ANTXRL: variants seen among roughly 807,000 people sequenced by gnomAD.
ANTXRL encodes the protein anthrax toxin receptor-like.
In ANTXRL, 63 loss-of-function variants were observed where a neutral mutation model predicts 75.4. The observed-to-expected ratio is 0.84, with a 90% CI of 0.68 to 1.03. The LOEUF is 1.03. Among genes scored for constraint, ANTXRL ranks in the 50% least tolerant of loss-of-function variants. ANTXRL has a pLI of 0.00. For synonymous variants in ANTXRL, 335 were observed against 291.3 expected (o/e 1.15, Z -1.53); for missense variants, 797 against 789.4 (o/e 1.01, Z -0.12).
chr10:46,323,595 A>G (rs1356179850), intron 16 of ANTXRL, among the ~76,000 whole-genome samples: 2 of 152,196 alleles, frequency 1.3e-5, no homozygotes, highest in Non-Finnish European at 2.9e-5. Flanking sequence ...TGAAGCTTCC[A>G]ACTTGGCTGC....
In ANTXRL at chr10:46,329,768, G is replaced by A. The variant is rs782006614; in HGVS notation, c.1580G>A (p.Arg527His). ...GAGTGCCTCGCCCTCAAACAGGCTC[G>A]CTGCAGCCCAAACATCTGCCTGAGA... ...SRECLALKQARCSPNICLRHS... is the reference protein window; with the variant it reads ...SRECLALKQAHCSPNICLRHS... The change falls in exon 17 of 17, where the codon CGC becomes CAC. Residue 527 changes from arginine to histidine, a missense_variant. Physicochemically the swap from Arg to His is conservative, Grantham distance 29. Around this residue, in one of 3 missense-constraint regions of ANTXRL, gnomAD observed 479 missense variants for 422.0 expected, o/e 1.14. Transcript: ENST00000620264. 344 of 1,530,724 alleles carry A rather than the reference G, an allele frequency of 2.2e-4. 2 individuals are homozygous for A. In the African/African-American group the frequency reaches 3.7e-3, roughly 17 times the overall value. The allele number at this position is 1,530,724 out of a possible 1,614,324, so 94.8% of individuals were successfully genotyped here. A position where few individuals can be genotyped will look rare whatever the true frequency, so the allele number is the denominator to read the frequency against.
chr10:46,307,888 C>G (rs1838188119), intron 12 of ANTXRL, among the ~76,000 whole-genome samples: 1 of 152,132 alleles, frequency 6.6e-6, no homozygotes, highest in South Asian at 2.1e-4. Flanking sequence ...CCTCCTTGCT[C>G]AGGCCCCTGA....
In ANTXRL at chr10:46,311,552, C is replaced by G. The variant is rs1554963480; in HGVS notation, c.1216C>G (p.Pro406Ala). Reference sequence around the variant, plus strand: ...ACCACCATCACCACCACCACCGCCTCCGCCTCCACCACCTCCACTCCCGCC... The same window carrying G: ...ACCACCATCACCACCACCACCGCCTGCGCCTCCACCACCTCCACTCCCGCC... ...EKPPSPPPPP[P>A]PPPPPLPPPP... Residue 406 changes from proline to alanine, a missense_variant, in exon 15 of 17, where the codon CCG becomes GCG. This residue lies in a region of ANTXRL where 479 missense variants were observed against 422.0 expected (regional missense o/e 1.14). Coordinates refer to ENST00000620264, the MANE Select transcript of ANTXRL (RefSeq NM_001278688.3). 6.5e-7 allele frequency: 1 copy of G among 1,533,936 alleles called. No individual in the cohort carries two copies. Among genetic ancestry groups the G allele is most frequent in the East Asian group, 2.4e-5 (1 of 40,818 alleles).
chr10:46,296,586 G>T (rs1238094115), intron 5 of ANTXRL, among the ~76,000 whole-genome samples: 1 of 152,124 alleles, frequency 6.6e-6, no homozygotes. Context: ...CTCCTCCCTT[G>T]CATGTCTTCC....
Position 46,297,441 on chromosome 10 carries a change from C to T in ANTXRL, c.621C>T (p.Tyr207=), listed in dbSNP as rs1554959138. The change falls in exon 7 of 17, where the codon TAC becomes TAT. Residue 207 remains tyrosine (Y), a synonymous_variant. Coordinates refer to ENST00000620264, the MANE Select transcript of ANTXRL (RefSeq NM_001278688.3). Reference sequence around the variant, plus strand: ...CTCGGAAACTGGGGGCCAACGTTTACACCCTGGGTGTGGCTGATTATAATC... The same window carrying T: ...CTCGGAAACTGGGGGCCAACGTTTATACCCTGGGTGTGGCTGATTATAATC... The part of the protein sequence containing the change: ...QKARKLGANV[Y]TLGVADYNLD... 4 of 1,535,770 alleles carry T rather than the reference C, an allele frequency of 2.6e-6. No homozygotes were observed. The highest frequency in any genetic ancestry group is 1.7e-4 in the Middle Eastern group (1 of 6,002).
Position 46,293,855 on chromosome 10 carries a change from C to T in ANTXRL, c.347C>T (p.Thr116Ile). Reference protein sequence around the residue: ...QSPNIRMCFITYSTDGQTVLP... With the variant: ...QSPNIRMCFIIYSTDGQTVLP... Reference sequence around the variant, plus strand: ...CCAAATATTCGGATGTGCTTCATCACCTACTCCACAGACGGCCAGACTGTC... The same window carrying T: ...CCAAATATTCGGATGTGCTTCATCATCTACTCCACAGACGGCCAGACTGTC... The change falls in exon 3 of 17, where the codon ACC becomes ATC. Residue 116 changes from threonine (T) to isoleucine (I), a missense_variant. Transcript: ENST00000620264. 2 of 1,535,730 alleles carry T rather than the reference C, an allele frequency of 1.3e-6. No homozygotes were observed. The highest frequency in any genetic ancestry group is 1.7e-6 in the Non-Finnish European group (2 of 1,146,662).
chr10:46,327,346 G>A (rs1407699486), intron 16 of ANTXRL, among the ~76,000 whole-genome samples: 10 of 152,074 alleles, frequency 6.6e-5, no homozygotes, highest in East Asian at 3.9e-4. Flanking sequence ...GTCCTGGGAG[G>A]ACTAGATTTG....
chr10:46,306,789 T>C lies in ANTXRL; in HGVS notation c.896-14T>C. The C allele has an allele frequency of 6.6e-7, 1 of 1,521,022 alleles. No homozygotes were observed. Among genetic ancestry groups the C allele is most frequent in the Non-Finnish European group, 8.8e-7 (1 of 1,139,388 alleles). 94.2% of individuals were successfully genotyped at this position (1,521,022 alleles called of 1,614,324 possible). ...CAGGTGCACTGACATTCTTCTCATG[T>C]CATTTTCTTTTAGATGAAAAGCCAA... On this transcript the variant is annotated splice_polypyrimidine_tract_variant and intron_variant, in intron 10 of 16. Coordinates refer to ENST00000620264, the MANE Select transcript of ANTXRL (RefSeq NM_001278688.3).
At chr10:46,319,576 T>G (rs1168420747) in intron 16 of ANTXRL, among the ~76,000 whole-genome samples, 1 of 152,158 alleles carries the variant, frequency 6.6e-6, no homozygotes, top group Non-Finnish European at 1.5e-5. Context: ...GTGTTTAAGT[T>G]GATTAGTCAT....
chr10:46,297,581 G>C, intron 7 of ANTXRL, 107 bp downstream of exon 7: 2 of 1,161,364 alleles, frequency 1.7e-6, no homozygotes, highest in Non-Finnish European at 2.4e-6. Flanking sequence ...CCCCAAGTGA[G>C]TTGGGCCAAC....
intron 10 of ANTXRL, among the ~76,000 whole-genome samples, chr10:46,304,008 A>G (rs1837915138): frequency 1.3e-5 from 2 of 151,978 alleles, no homozygotes; most frequent in Non-Finnish European, 2.9e-5. Context: ...CCTCCTTTCC[A>G]TGAGTACATA....
intron 9 of ANTXRL, among the ~76,000 whole-genome samples, chr10:46,299,446 C>T (rs1468218865): frequency 6.6e-6 from 1 of 152,138 alleles, no homozygotes; most frequent in Admixed American, 6.5e-5. Context: ...TCTGTCTGTC[C>T]TGAGCTCTTT....
intron 16 of ANTXRL, 120 bp downstream of exon 16, chr10:46,313,436 C>T (rs1554964049): frequency 1.9e-6 from 2 of 1,038,026 alleles, no homozygotes; most frequent in Non-Finnish European, 2.9e-6. Flanking sequence ...GAGGACGGCA[C>T]AAGACACACA....
In ANTXRL at chr10:46,288,362, C is replaced by T. The variant is rs189674212; in HGVS notation, c.248+852C>T. Among the ~76,000 whole-genome samples, 36 of 152,222 alleles carry T rather than the reference C, an allele frequency of 2.4e-4. No individual in the cohort carries two copies. The Middle Eastern group carries it at 0.01, about 43-fold the overall frequency. ...CTATCTGGTTCCTGGACAAGGGTGGCTCCTGGAGGTTGGGGAAGCATCCAG... is the reference window on the plus strand; with the variant it reads ...CTATCTGGTTCCTGGACAAGGGTGGTTCCTGGAGGTTGGGGAAGCATCCAG... On this transcript the variant is annotated intron_variant, in intron 1 of 16. Coordinates refer to ENST00000620264, the MANE Select transcript of ANTXRL (RefSeq NM_001278688.3).
At position 46,296,270 on chromosome 10, in the gene ANTXRL, C is replaced by T; in HGVS notation, c.508+18C>T. The T allele has an allele frequency of 6.5e-7, 1 of 1,535,456 alleles. No individual in the cohort carries two copies. Among genetic ancestry groups the T allele is most frequent in the Non-Finnish European group, 8.7e-7 (1 of 1,146,418 alleles). On this transcript the variant is annotated intron_variant, in intron 5 of 16. Coordinates refer to ENST00000620264, the MANE Select transcript of ANTXRL (RefSeq NM_001278688.3). ...CTCCGGAAGTAAGCACCTGCCGTCC[C>T]CCTGGTGGTCCTGTAGGGGGAACAG...
intron 5 of ANTXRL, 86 bp from the exon 6 acceptor site, chr10:46,297,166 G>C (rs868933377): frequency 8.8e-7 from 1 of 1,134,800 alleles, no homozygotes; most frequent in Non-Finnish European, 1.3e-6. Context: ...AGCGCTGTGG[G>C]CCCAGCCATC....
chr10:46,287,113 A>T lies in ANTXRL; in HGVS notation c.-150A>T, dbSNP rs1836795595. ...TGCGATCTGGGGAGGTACCTGGTGG[A>T]GGGCCATAGTGTGCACTGGTGAAAG... On this transcript the variant is annotated 5_prime_UTR_variant, in exon 1 of 17. Transcript: ENST00000620264. 1 of 1,004,954 alleles carries T rather than the reference A, an allele frequency of 1.0e-6. No homozygotes were observed. Among genetic ancestry groups the T allele is most frequent in the African/African-American group, 1.6e-5 (1 of 61,210 alleles). The allele number at this position is 1,004,954 out of a possible 1,614,324, so 62.3% of individuals were successfully genotyped here.
intron 9 of ANTXRL, among the ~76,000 whole-genome samples, chr10:46,300,024 A>T (rs1837622782): frequency 6.6e-6 from 1 of 152,160 alleles, no homozygotes; most frequent in African/African-American, 2.4e-5. Flanking sequence ...TGCTCCTCTG[A>T]TGATGTCCCC....
At chr10:46,305,390 A>G (rs1183154561) in intron 10 of ANTXRL, among the ~76,000 whole-genome samples, 2 of 152,254 alleles carry the variant, frequency 1.3e-5, no homozygotes, top group Admixed American at 1.3e-4. Context: ...TGGAAAATAC[A>G]TGCCAGAGTA....
Sources: gnomAD v4.1 joint callset for allele counts (sites outside exome capture counted in the v4.1 genomes callset) on GRCh38, gnomAD v4.1.1 for gene constraint, gnomAD v4.1.1 regional missense constraint, MANE v1.5 for transcripts, NCBI Gene and HGNC (gene_info 2026-07-23, HGNC 2026-07-21) for gene names.